Variants in SYCE1L observed in about 807,000 individuals in gnomAD.
The protein encoded by SYCE1L is synaptonemal complex central element protein 1-like.
SYCE1L carries 51 observed loss-of-function variants against 39.6 expected under a neutral mutation model. The observed-to-expected ratio is 1.29, with a 90% CI of 1.03 to 1.63. SYCE1L has a LOEUF of 1.63. Ranked by LOEUF, SYCE1L falls within the 40% of genes most tolerant of loss-of-function variation. The pLI is 0.00. For synonymous variants in SYCE1L, 147 were observed against 122.4 expected (o/e 1.20, Z -1.33); for missense variants, 426 against 304.9 (o/e 1.40, Z -2.96).
chr16:77,212,113 CCT>C lies in SYCE1L; in HGVS notation c.424-14_424-13del, dbSNP rs1180358203. 18 of 1,545,676 alleles carry C rather than the reference CCT, an allele frequency of 1.2e-5. No homozygotes were observed. Among genetic ancestry groups the C allele is most frequent in the Non-Finnish European group, 1.6e-5 (18 of 1,145,110 alleles). On this transcript the variant is annotated splice_polypyrimidine_tract_variant and intron_variant, in intron 7 of 10. Transcript: ENST00000378644. ...AGAGGACGGCCAAACGGGGAGGCCT[CCT>C]CTTTGTCCTCGCAGATGCTGGAGCA...
chr16:77,208,768 C>CA (rs2054803400), intron 4 of SYCE1L, among the ~76,000 whole-genome samples: 1 of 152,362 alleles, frequency 6.6e-6, no homozygotes, highest in East Asian at 1.9e-4. Flanking sequence ...TGGTCATTCT[C>CA]ACGCCCCTGG....
At chr16:77,200,366 C>A (rs1417784982) in intron 1 of SYCE1L, 1 of 150,350 alleles carries the variant, frequency 6.7e-6, no homozygotes, top group Non-Finnish European at 1.5e-5. Flanking sequence ...GCAGGAGAAT[C>A]ACTTGAACCC....
At chr16:77,211,463 C>T (rs1409746721) in intron 7 of SYCE1L, among the ~76,000 whole-genome samples, 187 bp downstream of exon 7, 1 of 152,152 alleles carries the variant, frequency 6.6e-6, no homozygotes, top group Non-Finnish European at 1.5e-5. Context: ...TCACCATGCC[C>T]CACTGCCACA....
At chr16:77,209,050 A>T in intron 4 of SYCE1L, 47 bp from the exon 5 acceptor site, 5 of 1,546,898 alleles carry the variant, frequency 3.2e-6, no homozygotes, top group Non-Finnish European at 4.4e-6. Context: ...TGCACTGGGG[A>T]TGGCAATGGG....
At chr16:77,202,344 T>G (rs1157144761) in intron 1 of SYCE1L, 1 of 152,246 alleles carries the variant, frequency 6.6e-6, no homozygotes, top group Non-Finnish European at 1.5e-5. Context: ...GTGGCCTATT[T>G]TTACAACTTT....
At chr16:77,211,338 C>G (rs372384981) in intron 7 of SYCE1L, 62 bp downstream of exon 7, 1 of 1,541,742 alleles carries the variant, frequency 6.5e-7, no homozygotes, top group Non-Finnish European at 8.8e-7. Context: ...GTCGCACTGA[C>G]TGGCCCAGAG....
At chr16:77,200,829 T>C (rs1283256895) in intron 1 of SYCE1L, 1 of 152,198 alleles carries the variant, frequency 6.6e-6, no homozygotes, top group Non-Finnish European at 1.5e-5. Context: ...TAGCATTTTT[T>C]TGTTATAGAA....
intron 2 of SYCE1L, among the ~76,000 whole-genome samples, chr16:77,206,919 G>A (rs566834559): frequency 6.6e-6 from 1 of 152,284 alleles, no homozygotes; most frequent in African/African-American, 2.4e-5. Flanking sequence ...CTGGGAGCCA[G>A]TGTGCACCCA....
intron 1 of SYCE1L, among the ~76,000 whole-genome samples, chr16:77,204,687 C>T (rs929056613): frequency 1.3e-5 from 2 of 152,174 alleles, no homozygotes; most frequent in African/African-American, 4.8e-5. Context: ...CACTGGTGTA[C>T]ATTGTCAAAT....
rs867936375 is a variant in SYCE1L at position 77,212,710 on chromosome 16, G to A, written c.654+64G>A. ...CCGAGTCAGGAGAGAGCGGGCGGGG[G>A]TCCTGGGAGCGGCCCCCGAGAGTGG... On this transcript the variant is annotated intron_variant, in intron 10 of 10. Transcript: ENST00000378644. 9 of 1,459,040 alleles carry A rather than the reference G, an allele frequency of 6.2e-6. No individual in the cohort carries two copies. The Middle Eastern group carries it at 7.3e-4, about 119-fold the overall frequency. The allele number at this position is 1,459,040 out of a possible 1,614,324, so 90.4% of individuals were successfully genotyped here.
intron 1 of SYCE1L, among the ~76,000 whole-genome samples, chr16:77,204,607 A>T (rs543841679): frequency 2.2e-4 from 34 of 152,172 alleles, no homozygotes; most frequent in Non-Finnish European, 4.7e-4. Flanking sequence ...CATCAATAGG[A>T]TATTGCTTTG....
chr16:77,212,098 C>G (rs1597039373), intron 7 of SYCE1L, 32 bp from the exon 8 acceptor site: 3 of 1,539,126 alleles, frequency 1.9e-6, no homozygotes, highest in Non-Finnish European at 2.6e-6. Context: ...AGAGGACGGC[C>G]AAACGGGGAG....
intron 10 of SYCE1L, 63 bp downstream of exon 10, chr16:77,212,709 GGT>G: frequency 6.8e-7 from 1 of 1,460,148 alleles, no homozygotes; most frequent in Non-Finnish European, 9.0e-7. Flanking sequence ...AGCGGGCGGG[GGT>G]CCTGGGAGCG....
intron 7 of SYCE1L, 136 bp downstream of exon 7, chr16:77,211,412 C>G: frequency 9.8e-7 from 1 of 1,018,890 alleles, no homozygotes; most frequent in Admixed American, 2.1e-5. Flanking sequence ...GCTTGCCCAC[C>G]TATTCAGTCC....
intron 7 of SYCE1L, among the ~76,000 whole-genome samples, chr16:77,211,642 G>A (rs1301202314): frequency 6.6e-6 from 1 of 152,210 alleles, no homozygotes; most frequent in Non-Finnish European, 1.5e-5. Context: ...AGCATTTGAG[G>A]CAGGGAGGGA....
intron 3 of SYCE1L, 34 bp downstream of exon 3, chr16:77,208,303 C>A (rs577719752): frequency 6.5e-7 from 1 of 1,549,652 alleles, no homozygotes; most frequent in South Asian, 1.2e-5. Flanking sequence ...CCAGCTGGGG[C>A]GAGCAGGAAG....
At chr16:77,208,397 A>T (rs1364461531) in intron 3 of SYCE1L, 68 bp from the exon 4 acceptor site, 4 of 1,546,722 alleles carry the variant, frequency 2.6e-6, no homozygotes, top group Non-Finnish European at 3.5e-6. Flanking sequence ...GTGCAATGTC[A>T]TATTTGCGAG....
chr16:77,212,780 G>A, intron 10 of SYCE1L, 77 bp from the exon 11 acceptor site: 1 of 1,423,314 alleles, frequency 7.0e-7, no homozygotes, highest in Non-Finnish European at 9.2e-7. Flanking sequence ...GGAAGCCGCG[G>A]TGGAGGCCTA....
intron 1 of SYCE1L, among the ~76,000 whole-genome samples, chr16:77,204,910 C>T (rs13331994): frequency 0.026 from 3,874 of 151,798 alleles, 170 homozygotes; most frequent in African/African-American, 0.089. Context: ...CCAGGTGAGG[C>T]GGCGTGCGCC....
Sources: allele counts gnomAD v4.1 joint callset (sites outside exome capture counted in the v4.1 genomes callset), GRCh38; gene constraint gnomAD v4.1.1; transcripts MANE v1.5; gene names NCBI Gene and HGNC (gene_info 2026-07-23, HGNC 2026-07-21).